Variants in SH3PXD2B observed in about 807,000 individuals in gnomAD.
SH3PXD2B encodes the protein SH3 and PX domain-containing protein 2B.
Under a neutral mutation model 73.1 loss-of-function variants are expected in SH3PXD2B, and 37 were observed. The ratio of observed to expected loss-of-function variants is 0.51; its 90% CI spans 0.39 to 0.67. The LOEUF is 0.67. Ranked by LOEUF, SH3PXD2B falls within the 30% of genes least tolerant of loss-of-function variation. The pLI, the probability that SH3PXD2B is intolerant of heterozygous loss-of-function variation, is 0.00. For missense variants in SH3PXD2B, 1,053 were observed against 1,197.8 expected, an observed-to-expected ratio of 0.88 and a Z score of 1.78; for synonymous variants, 457 against 480.5, an observed-to-expected ratio of 0.95 and a Z score of 0.64.
At chr5:172,357,317 G>A (rs934793297) in intron 8 of SH3PXD2B, among the ~76,000 whole-genome samples, 2 of 151,538 alleles carry the variant, frequency 1.3e-5, no homozygotes, top group Non-Finnish European at 2.9e-5. Flanking sequence ...TCAGCTACTC[G>A]AGAGGCTGAG....
At chr5:172,432,473 AGCTGGG>A (rs2113484982) in intron 1 of SH3PXD2B, among the ~76,000 whole-genome samples, 1 of 152,348 alleles carries the variant, frequency 6.6e-6, no homozygotes, top group South Asian at 2.1e-4. Context: ...ATTCAACCTC[AGCTGGG>A]AACGTGCACG....
At chr5:172,401,084 G>A (rs1758411995) in intron 3 of SH3PXD2B, among the ~76,000 whole-genome samples, 1 of 152,188 alleles carries the variant, frequency 6.6e-6, no homozygotes, top group Non-Finnish European at 1.5e-5. Context: ...CCACCCAAAT[G>A]TGGAATTCTC....
At chr5:172,332,382 T>G (rs1756575481), downstream of SH3PXD2B, among the ~76,000 whole-genome samples, 1 of 151,290 alleles carries the variant, frequency 6.6e-6, no homozygotes, top group Admixed American at 6.6e-5. Flanking sequence ...GCCTCCCAAG[T>G]AGCTGGGCCT....
At chr5:172,362,924 G>C in intron 6 of SH3PXD2B, 55 bp from the exon 7 acceptor site, 1 of 1,611,344 alleles carries the variant, frequency 6.2e-7, no homozygotes, top group South Asian at 1.1e-5. Context: ...TGAAAGAGCA[G>C]GAGTCAGAGC....
chr5:172,411,567 G>C (rs142895939), intron 2 of SH3PXD2B, among the ~76,000 whole-genome samples: 6 of 152,264 alleles, frequency 3.9e-5, no homozygotes, highest in African/African-American at 9.6e-5. Context: ...CCTCATGCCA[G>C]CTGTGTGTCT....
At position 172,335,576 on chromosome 5, in the gene SH3PXD2B, C is replaced by A. The variant is rs1416822368; in HGVS notation, c.*2793G>T. On this transcript the variant is annotated 3_prime_UTR_variant, in exon 13 of 13. Transcript: ENST00000311601. The stretch of plus-strand genomic sequence containing the variant: ...AGGCTTGCCGTAAGGATTAAAGGAG[C>A]GTGTGTGTTTAGGCACTGGTCACCA... 9.7e-6 allele frequency: 12 copies of A among 1,231,600 alleles called. No individual in the cohort carries two copies. The East Asian group carries it at 3.2e-4, about 32-fold the overall frequency. The allele number at this position is 1,231,600 out of a possible 1,614,324, so 76.3% of individuals were successfully genotyped here.
At chr5:172,368,993 C>A (rs1757641230) in intron 6 of SH3PXD2B, among the ~76,000 whole-genome samples, 1 of 149,370 alleles carries the variant, frequency 6.7e-6, no homozygotes, top group Non-Finnish European at 1.5e-5. Context: ...CTCCTGGGTT[C>A]AAGCAATTCT....
chr5:172,373,091 A>G (rs1010002967), intron 6 of SH3PXD2B, among the ~76,000 whole-genome samples: 1 of 152,262 alleles, frequency 6.6e-6, no homozygotes, highest in Non-Finnish European at 1.5e-5. Context: ...AAAGCTTATT[A>G]GGAGGGAATA....
chr5:172,335,227 G>C lies in SH3PXD2B; in HGVS notation c.*3142C>G. The C allele has an allele frequency of 9.6e-7, 1 of 1,037,934 alleles. No individual in the cohort carries two copies. Among genetic ancestry groups the C allele is most frequent in the Non-Finnish European group, 1.2e-6 (1 of 864,996 alleles). 64.3% of individuals were successfully genotyped at this position (1,037,934 alleles called of 1,614,324 possible). A position where few individuals can be genotyped will look rare whatever the true frequency, so the allele number is the denominator to read the frequency against. On this transcript the variant is annotated 3_prime_UTR_variant, in exon 13 of 13. Transcript: ENST00000311601. ...GTAGTTGTCACAATTGTGTTAATAAGCAGGGGTGAGGGGAAGAAAAAAAAA... is the reference window on the plus strand; with the variant it reads ...GTAGTTGTCACAATTGTGTTAATAACCAGGGGTGAGGGGAAGAAAAAAAAA...
At chr5:172,372,580 AT>A (rs913155017) in intron 6 of SH3PXD2B, among the ~76,000 whole-genome samples, 1 of 151,528 alleles carries the variant, frequency 6.6e-6, no homozygotes, top group African/African-American at 2.4e-5. Flanking sequence ...GCACCCATGT[AT>A]TTTAAGTAAC....
rs778628862 is a variant in SH3PXD2B, at chr5:172,339,655, A to G, written c.1450T>C (p.Trp484Arg). The G allele has an allele frequency of 7.4e-6, 12 of 1,614,214 alleles. No individual in the cohort carries two copies. The highest frequency in any genetic ancestry group is 9.3e-6 in the Non-Finnish European group (11 of 1,180,038). The change falls in exon 13 of 13, where the codon TGG (tryptophan) becomes CGG (arginine). Residue 484 changes from tryptophan (W) to arginine (R), a missense_variant. Transcript: ENST00000311601. The surrounding 1 kb of genome is among the most constrained non-coding windows in gnomAD (Gnocchi z 6.1). Reference sequence around the variant, plus strand: ...TTACTGCCCTTCCAGTCTTTAGACCATGGCAACCCCGAGTCCATGACACCA... The same window carrying G: ...TTACTGCCCTTCCAGTCTTTAGACCGTGGCAACCCCGAGTCCATGACACCA... ...PHGVMDSGLP[W>R]SKDWKGSKDV...
At chr5:172,397,368 G>A (rs1335501884) in intron 3 of SH3PXD2B, among the ~76,000 whole-genome samples, 8 of 152,116 alleles carry the variant, frequency 5.3e-5, no homozygotes, top group Admixed American at 5.2e-4. Context: ...TTTTGCCCCG[G>A]TCCTGTGATC....
At chr5:172,354,042 C>T in intron 8 of SH3PXD2B, 37 bp from the exon 9 acceptor site, 2 of 1,578,536 alleles carry the variant, frequency 1.3e-6, no homozygotes, top group Non-Finnish European at 1.7e-6. Context: ...CAGAAGAGGA[C>T]ACCAAGAGGC....
chr5:172,412,841 G>A (rs150730451), intron 2 of SH3PXD2B, among the ~76,000 whole-genome samples: 14 of 152,318 alleles, frequency 9.2e-5, no homozygotes, highest in South Asian at 6.2e-4. Flanking sequence ...AAGAAGTGGC[G>A]CTCAGGGTGA....
chr5:172,332,534 G>T (rs1756578672), downstream of SH3PXD2B, among the ~76,000 whole-genome samples: 1 of 151,812 alleles, frequency 6.6e-6, no homozygotes. Flanking sequence ...AAAGTGCTGG[G>T]ATTACGGGTG....
In SH3PXD2B at chr5:172,350,409, G is replaced by A. The variant is rs375297664; in HGVS notation, c.966C>T (p.Asp322=). 2.9e-5 allele frequency: 47 copies of A among 1,613,830 alleles called. No individual in the cohort carries two copies. Among genetic ancestry groups the A allele is most frequent in the African/African-American group, 2.0e-4 (15 of 74,916 alleles). Residue 322 remains aspartate, a synonymous_variant, in exon 10 of 13, where the codon GAC becomes GAT. Coordinates refer to ENST00000311601, the MANE Select transcript of SH3PXD2B (RefSeq NM_001017995.3). ...REKELLSSQR[D]GRFEGRPVPD... ...GCACCGGGCGGCCTTCAAACCGCCC[G>A]TCCCTCTGGCTGCTGAGCAGCTCCT...
intron 8 of SH3PXD2B, among the ~76,000 whole-genome samples, chr5:172,355,288 G>C (rs899489463): frequency 6.6e-6 from 1 of 152,202 alleles, no homozygotes; most frequent in Non-Finnish European, 1.5e-5. Flanking sequence ...CCTGCTCGGC[G>C]GGGGCCGAGC....
At chr5:172,454,235 G>A (rs746383071) in intron 1 of SH3PXD2B, 43 bp downstream of exon 1, 3 of 1,556,016 alleles carry the variant, frequency 1.9e-6, no homozygotes, top group East Asian at 4.7e-5. Flanking sequence ...CGCCCCCGAC[G>A]GGGCGCGGGC....
downstream of SH3PXD2B, among the ~76,000 whole-genome samples, chr5:172,330,912 T>C (rs1158306853): frequency 3.3e-5 from 5 of 152,354 alleles, no homozygotes; most frequent in Admixed American, 2.0e-4. Flanking sequence ...AGTTAGATCC[T>C]GGCTGGGCGC....
Sources: gnomAD v4.1 joint callset for allele counts (sites outside exome capture counted in the v4.1 genomes callset) on GRCh38, gnomAD v4.1.1 for gene constraint, Gnocchi (gnomAD v3.1) non-coding constraint, MANE v1.5 for transcripts, NCBI Gene and HGNC (gene_info 2026-07-23, HGNC 2026-07-21) for gene names.